The following NIM1K variants were observed in gnomAD, a reference collection of about 807,000 sequenced individuals.
The protein encoded by NIM1K is serine/threonine-protein kinase NIM1.
A neutral mutation model predicts 37.1 loss-of-function variants in NIM1K; 35 were observed. That is an observed-to-expected ratio of 0.94 (90% CI 0.72 to 1.25). NIM1K has a LOEUF of 1.25. Ranked by LOEUF, NIM1K falls within the 50% of genes most tolerant of loss-of-function variation. NIM1K has a pLI of 0.00. For missense variants in NIM1K, 564 were observed against 548.0 expected (o/e 1.03, Z -0.29); for synonymous variants, 234 against 206.6 (o/e 1.13, Z -1.14).
Position 43,280,164 on chromosome 5 carries a change from G to A in NIM1K, c.746G>A (p.Gly249Asp), listed in dbSNP as rs1375863174. Reference protein sequence around the residue: ...PELFRDEHYIGIYVDIWALGV... With the variant: ...PELFRDEHYIDIYVDIWALGV... ...CTCTTCCGGGACGAGCACTACATCG[G>A]CATTTACGTGGATATCTGGGCCTTG... The change falls in exon 4 of 4, where the codon GGC becomes GAC. Residue 249 changes from glycine (G) to aspartate (D), a missense_variant. Gly to Asp is a moderately conservative substitution (Grantham distance 94). Coordinates refer to ENST00000326035, the MANE Select transcript of NIM1K (RefSeq NM_153361.4). The A allele has an allele frequency of 6.2e-7, 1 of 1,614,042 alleles. No homozygotes were observed. The highest frequency in any genetic ancestry group is 8.5e-7 in the Non-Finnish European group (1 of 1,180,042).
At chr5:43,217,708 ATTTTTTTTT>A (rs71608698) in intron 1 of NIM1K, among the ~76,000 whole-genome samples, 1 of 93,624 alleles carries the variant, frequency 1.1e-5, no homozygotes, top group Admixed American at 1.3e-4. Flanking sequence ...TCCTCTGTCT[ATTTTTTTTT>A]TTTTTTTTTT....
In NIM1K at chr5:43,253,952, C is replaced by T. The variant is rs549255993; in HGVS notation, c.292+7885C>T. On this transcript the variant is annotated intron_variant, in intron 2 of 3. Coordinates refer to ENST00000326035, the MANE Select transcript of NIM1K (RefSeq NM_153361.4). ...CTGGGATTACAGGCATGAGCCACTG[C>T]GCTCAGTCGTTTAGGAGCTTTAAGC... is the stretch of plus-strand genomic sequence containing the variant. Among the ~76,000 whole-genome samples the T allele has an allele frequency of 2.6e-5, 4 of 152,252 alleles. No individual in the cohort carries two copies. In the South Asian group the frequency reaches 8.3e-4, roughly 32 times the overall value.
rs377429526 is a variant in NIM1K at position 43,238,689 on chromosome 5, T to C, written c.-694-6393T>C. On this transcript the variant is annotated intron_variant, in intron 1 of 3. Coordinates refer to ENST00000326035, the MANE Select transcript of NIM1K (RefSeq NM_153361.4). Reference sequence around the variant, plus strand: ...GGCACTTGGAGGATTGTGCGGTAGATGGCTATGTGGCTTTCTTGATGGAGA... The same window carrying C: ...GGCACTTGGAGGATTGTGCGGTAGACGGCTATGTGGCTTTCTTGATGGAGA... 5.3e-5 allele frequency among the ~76,000 whole-genome samples: 8 copies of C among 152,036 alleles called. No homozygotes were observed. In the East Asian group the frequency reaches 1.2e-3, roughly 22 times the overall value.
chr5:43,205,641 G>A (rs554462489), intron 1 of NIM1K, among the ~76,000 whole-genome samples: 1 of 152,248 alleles, frequency 6.6e-6, no homozygotes, highest in South Asian at 2.1e-4. Context: ...TTCAAAAAGT[G>A]TTACTGCTTT....
intron 1 of NIM1K, among the ~76,000 whole-genome samples, chr5:43,221,278 C>A (rs986487743): frequency 4.0e-5 from 6 of 151,710 alleles, no homozygotes; most frequent in African/African-American, 1.5e-4. Flanking sequence ...AGTTCGAGAC[C>A]AGCTTGGCCA....
rs550952865 is a variant in NIM1K, at chr5:43,239,398, G to T, written c.-694-5684G>T. Among the ~76,000 whole-genome samples, 3 of 151,798 alleles carry T rather than the reference G, an allele frequency of 2.0e-5. No individual in the cohort carries two copies. The South Asian group carries it at 6.2e-4, about 32-fold the overall frequency. On this transcript the variant is annotated intron_variant, in intron 1 of 3. Transcript: ENST00000326035. ...AATTACAGGTGCCCGCCACCATGCC[G>T]GGTTAATTTTTTTGTATTTTTAGTA...
At position 43,280,634 on chromosome 5, in the gene NIM1K, A is replaced by G; in HGVS notation, c.1216A>G (p.Met406Val). 6.2e-7 allele frequency: 1 copy of G among 1,614,146 alleles called. No individual in the cohort carries two copies. The change falls in exon 4 of 4, where the codon ATG becomes GTG. Residue 406 changes from methionine to valine, a missense_variant. Physicochemically the swap from Met to Val is conservative, Grantham distance 21. Coordinates refer to ENST00000326035, the MANE Select transcript of NIM1K (RefSeq NM_153361.4). ...GAAGGCTTTGGAAAGTGTCCCAGTC[A>G]TGATGCTACCAGACCCTAAAGAAAG... The part of the protein sequence containing the change: ...RKKALESVPV[M>V]MLPDPKERDL...
intron 2 of NIM1K, among the ~76,000 whole-genome samples, chr5:43,255,890 T>C (rs1338228986): frequency 6.6e-6 from 1 of 151,346 alleles, no homozygotes; most frequent in Admixed American, 6.6e-5. Flanking sequence ...GAAATGGCTA[T>C]ACATGGGGGA....
intron 3 of NIM1K, 89 bp from the exon 4 acceptor site, chr5:43,279,891 C>A (rs767511599): frequency 5.7e-4 from 599 of 1,045,706 alleles, no homozygotes; most frequent in Non-Finnish European, 8.1e-4. Flanking sequence ...ATTCCACCAT[C>A]ATTATCTCAC....
intron 2 of NIM1K, among the ~76,000 whole-genome samples, chr5:43,257,339 G>C (rs756078024): frequency 3.4e-5 from 5 of 149,166 alleles, no homozygotes; most frequent in Non-Finnish European, 7.4e-5. Flanking sequence ...AATGAGGGGA[G>C]AATTAAAGAC....
intron 1 of NIM1K, chr5:43,231,715 C>CATATCAGT (rs1752542187): frequency 7.2e-6 from 5 of 694,348 alleles, no homozygotes; most frequent in Non-Finnish European, 1.2e-5. Flanking sequence ...AGAGCATACA[C>CATATCAGT]TGCTACATAA....
At chr5:43,257,643 G>A (rs1459878912) in intron 2 of NIM1K, among the ~76,000 whole-genome samples, 7 of 152,028 alleles carry the variant, frequency 4.6e-5, no homozygotes, top group Admixed American at 6.6e-5. Context: ...GAGCCACTGC[G>A]CCCAGTTTTG....
At chr5:43,266,808 A>T (rs1415717543) in intron 2 of NIM1K, among the ~76,000 whole-genome samples, 1 of 152,110 alleles carries the variant, frequency 6.6e-6, no homozygotes, top group East Asian at 1.9e-4. Flanking sequence ...AGCCCATTTG[A>T]TCATGATGTA....
At chr5:43,218,440 G>T (rs1257292151) in intron 1 of NIM1K, among the ~76,000 whole-genome samples, 6 of 152,204 alleles carry the variant, frequency 3.9e-5, no homozygotes, top group Admixed American at 3.9e-4. Flanking sequence ...AAGAAGCATG[G>T]TAACATCATC....
At chr5:43,237,101 C>T (rs1432058271) in intron 1 of NIM1K, among the ~76,000 whole-genome samples, 1 of 152,202 alleles carries the variant, frequency 6.6e-6, no homozygotes, top group Non-Finnish European at 1.5e-5. Context: ...TGTCTTGAAC[C>T]TTGTTGCCAC....
chr5:43,232,542 A>G (rs1579969764), intron 1 of NIM1K: 2 of 1,579,920 alleles, frequency 1.3e-6, no homozygotes, highest in Non-Finnish European at 1.7e-6. Context: ...GCCAGATATC[A>G]TAAGTGGCCT....
intron 1 of NIM1K, among the ~76,000 whole-genome samples, chr5:43,209,949 A>G (rs1192528199): frequency 6.6e-6 from 1 of 152,268 alleles, no homozygotes; most frequent in Non-Finnish European, 1.5e-5. Flanking sequence ...AACAATTCAA[A>G]TCAATTCAGC....
chr5:43,236,926 C>A (rs1440514711), intron 1 of NIM1K, among the ~76,000 whole-genome samples: 1 of 152,216 alleles, frequency 6.6e-6, no homozygotes, highest in East Asian at 1.9e-4. Context: ...CATTGCACTG[C>A]ATGGGGATCT....
At chr5:43,244,911 A>T (rs1752753816) in intron 1 of NIM1K, among the ~76,000 whole-genome samples, 171 bp from the exon 2 acceptor site, 1 of 152,192 alleles carries the variant, frequency 6.6e-6, no homozygotes, top group Admixed American at 6.5e-5. Flanking sequence ...GTGTGTGTAT[A>T]TGCTCTTTTC....
Sources: gnomAD v4.1 joint callset for allele counts (sites outside exome capture counted in the v4.1 genomes callset) on GRCh38, gnomAD v4.1.1 for gene constraint, MANE v1.5 for transcripts, NCBI Gene and HGNC (gene_info 2026-07-23, HGNC 2026-07-21) for gene names.